The following NPHP1 variants were observed in gnomAD, a reference collection of about 807,000 sequenced individuals.
NPHP1 encodes nephrocystin-1.
Under a neutral mutation model 90.4 loss-of-function variants are expected in NPHP1, and 70 were observed. That is an observed-to-expected ratio of 0.77 (90% CI 0.64 to 0.95). The LOEUF (loss-of-function observed/expected upper bound fraction) is 0.95. Ranked by LOEUF, NPHP1 falls within the 40% of genes least tolerant of loss-of-function variation. The probability of loss-of-function intolerance (pLI) is 0.00; values close to 1 mark genes in which losing one functional copy is unlikely to be tolerated. For missense variants in NPHP1, 764 were observed against 795.9 expected, an observed-to-expected ratio of 0.96 and a Z score of 0.48; for synonymous variants, 256 against 271.7, an observed-to-expected ratio of 0.94 and a Z score of 0.57.
chr2:110,156,812 C>T (rs1329615521), intron 11 of NPHP1, among the ~76,000 whole-genome samples: 1 of 148,208 alleles, frequency 6.7e-6, no homozygotes, highest in Non-Finnish European at 1.5e-5. Flanking sequence ...GAGTTTCTCT[C>T]TGTCACCAGG....
chr2:110,193,048 A>G (rs1207651866), intron 2 of NPHP1, among the ~76,000 whole-genome samples: 2 of 152,186 alleles, frequency 1.3e-5, no homozygotes, highest in Non-Finnish European at 2.9e-5. Flanking sequence ...GCCACTGCAA[A>G]AACATGCCAG....
intron 2 of NPHP1, among the ~76,000 whole-genome samples, chr2:110,189,414 C>T (rs1045353685): frequency 6.6e-5 from 10 of 151,834 alleles, no homozygotes; most frequent in Non-Finnish European, 1.0e-4. Flanking sequence ...GCTCTTAAGG[C>T]GGCACGTCTG....
rs551054363 is a variant in NPHP1 at position 110,152,271 on chromosome 2, T to C, written c.1084-2015A>G. Among the ~76,000 whole-genome samples the C allele has an allele frequency of 3.3e-5, 5 of 151,532 alleles. No individual in the cohort carries two copies. The South Asian group carries it at 6.2e-4, about 19-fold the overall frequency. ...GAGTTCGGGACCAGCTTGGGCAGCATAGTGAAACCTTGGCTCTATTTTTTT... is the reference window on the plus strand; with the variant it reads ...GAGTTCGGGACCAGCTTGGGCAGCACAGTGAAACCTTGGCTCTATTTTTTT... On this transcript the variant is annotated intron_variant, in intron 11 of 19. Transcript: ENST00000445609.
At chr2:110,153,688 A>AG (rs1281043826) in intron 11 of NPHP1, among the ~76,000 whole-genome samples, 15 of 152,094 alleles carry the variant, frequency 9.9e-5, no homozygotes, top group Non-Finnish European at 7.4e-5. Flanking sequence ...AGTTCTAAAA[A>AG]ATGTTCAAGT....
intron 16 of NPHP1, among the ~76,000 whole-genome samples, chr2:110,135,359 C>T (rs1680096589): frequency 6.6e-6 from 1 of 150,968 alleles, no homozygotes; most frequent in Non-Finnish European, 1.5e-5. Context: ...CGCCTGTAGT[C>T]CCAGCTACTT....
intron 13 of NPHP1, among the ~76,000 whole-genome samples, 169 bp downstream of exon 13, chr2:110,147,746 CG>C (rs1181101454): frequency 6.6e-6 from 1 of 152,032 alleles, no homozygotes; most frequent in Non-Finnish European, 1.5e-5. Context: ...TTAAATGCTA[CG>C]AAAACAAATC....
rs1213511122 is a variant in NPHP1, at chr2:110,123,687, T to C, written c.*104A>G. On this transcript the variant is annotated 3_prime_UTR_variant, in exon 20 of 20. Transcript: ENST00000445609. ...TCTGTAGAAAGAAAAGAGTAAAACCTAAGTTGTAAAGTGACAGTGATTTTT... is the reference window on the plus strand; with the variant it reads ...TCTGTAGAAAGAAAAGAGTAAAACCCAAGTTGTAAAGTGACAGTGATTTTT... 8.7e-7 allele frequency: 1 copy of C among 1,148,982 alleles called. No homozygotes were observed. The highest frequency in any genetic ancestry group is 2.4e-5 in the East Asian group (1 of 41,462). 71.2% of individuals were successfully genotyped at this position (1,148,982 alleles called of 1,614,324 possible). A position where few individuals can be genotyped will look rare whatever the true frequency, so the allele number is the denominator to read the frequency against.
At chr2:110,126,953 G>C (rs962661163) in intron 18 of NPHP1, 3 of 152,590 alleles carry the variant, frequency 2.0e-5, no homozygotes, top group Admixed American at 6.5e-5. Context: ...GTTTCACTTA[G>C]AGTAACTCAT....
intron 16 of NPHP1, among the ~76,000 whole-genome samples, chr2:110,132,420 C>T (rs145550843): frequency 0.01 from 1,569 of 152,190 alleles, 26 homozygotes; most frequent in African/African-American, 0.036. Flanking sequence ...TTTGGGAGGC[C>T]GAGACAGGTG....
In NPHP1 at chr2:110,123,754, G is replaced by A. The variant is rs768726180; in HGVS notation, c.*37C>T. The A allele has an allele frequency of 1.9e-6, 3 of 1,608,490 alleles. No homozygotes were observed. In the South Asian group the frequency reaches 3.3e-5, roughly 18 times the overall value. ...TCACGTAATCGTGGAGGATCCATCTGATTCCGTGGGAAGCTGAGGGCTAGA... is the reference window on the plus strand; with the variant it reads ...TCACGTAATCGTGGAGGATCCATCTAATTCCGTGGGAAGCTGAGGGCTAGA... On this transcript the variant is annotated 3_prime_UTR_variant, in exon 20 of 20. Coordinates refer to ENST00000445609, the MANE Select transcript of NPHP1 (RefSeq NM_001128178.3).
At position 110,201,444 on chromosome 2, in the gene NPHP1, A is replaced by T; in HGVS notation, c.120T>A (p.Asn40Lys). Residue 40 changes from asparagine (N) to lysine (K), a missense_variant, in exon 2 of 20, where the codon AAT becomes AAA. Transcript: ENST00000445609. ...ESQLKEALEPNKRQHIYQRCI... is the reference protein window; with the variant it reads ...ESQLKEALEPKKRQHIYQRCI... ...ACCTTTGATAAATATGTTGTCTTTT[A>T]TTGGGTTCTAGAGCTTCTTTCAGTT... The T allele has an allele frequency of 6.2e-7, 1 of 1,609,698 alleles. No individual in the cohort carries two copies. The highest frequency in any genetic ancestry group is 1.3e-5 in the African/African-American group (1 of 75,006).
rs1303993465 is a variant in NPHP1, at chr2:110,184,407, CAA to C, written c.144-4725_144-4724del. The C allele has an allele frequency of 6.4e-6, 4 of 626,750 alleles. No homozygotes were observed. The African/African-American group carries it at 7.3e-5, about 11-fold the overall frequency. 38.8% of individuals were successfully genotyped at this position (626,750 alleles called of 1,614,324 possible). A position where few individuals can be genotyped will look rare whatever the true frequency, so the allele number is the denominator to read the frequency against. On this transcript the variant is annotated intron_variant, in intron 2 of 19. Transcript: ENST00000445609. ...CCTCACTGAGGCACCTTTAAACCCA[CAA>C]AGACACCAGGAATGAGCTGCCAACG... is the stretch of plus-strand genomic sequence containing the variant.
At chr2:110,160,706 T>C (rs1296410329) in intron 10 of NPHP1, among the ~76,000 whole-genome samples, 1 of 152,192 alleles carries the variant, frequency 6.6e-6, no homozygotes, top group African/African-American at 2.4e-5. Flanking sequence ...AATAGGTGTT[T>C]TAACAGAGAG....
intron 8 of NPHP1, chr2:110,164,466 G>T: frequency 1.2e-6 from 1 of 857,146 alleles, no homozygotes; most frequent in Non-Finnish European, 2.0e-6. Flanking sequence ...GTGACACCAT[G>T]AATTATCTAT....
chr2:110,192,818 A>G (rs1574195097), intron 2 of NPHP1, among the ~76,000 whole-genome samples: 1 of 152,174 alleles, frequency 6.6e-6, no homozygotes, highest in Non-Finnish European at 1.5e-5. Flanking sequence ...CTCAGCAGAA[A>G]CTCTACAAGC....
chr2:110,163,085 C>T lies in NPHP1; in HGVS notation c.822G>A (p.Gly274=). 1 of 1,613,734 alleles carries T rather than the reference C, an allele frequency of 6.2e-7. No individual in the cohort carries two copies. Residue 274 remains glycine (G), a synonymous_variant, in exon 9 of 20, where the codon GGG becomes GGA. Transcript: ENST00000445609. ...VLTTMGAIPA[G]FRPSTLSQLL... ...GCTGTGAGAGCGTGGAAGGCCTGAA[C>T]CCTGCAGGAATAGCTCCCATCGTAG...
chr2:110,147,173 T>C (rs1236315166), intron 13 of NPHP1, among the ~76,000 whole-genome samples: 6 of 152,098 alleles, frequency 3.9e-5, no homozygotes, highest in Admixed American at 3.3e-4. Flanking sequence ...TGAACCTTTG[T>C]TTCACTGACA....
Position 110,144,583 on chromosome 2 carries a change from AC to A in NPHP1, c.1353-15del. On this transcript the variant is annotated splice_polypyrimidine_tract_variant and intron_variant, in intron 14 of 19. Coordinates refer to ENST00000445609, the MANE Select transcript of NPHP1 (RefSeq NM_001128178.3). ...AGCTCATAAGTTCTATAAAAGAATAACATACAATGACAGATATAAGCTGTGG... is the reference window on the plus strand; with the variant it reads ...AGCTCATAAGTTCTATAAAAGAATAAATACAATGACAGATATAAGCTGTGG... The A allele has an allele frequency of 6.9e-7, 1 of 1,456,264 alleles. No individual in the cohort carries two copies. Among genetic ancestry groups the A allele is most frequent in the Non-Finnish European group, 9.6e-7 (1 of 1,036,400 alleles). The allele number at this position is 1,456,264 out of a possible 1,614,324, so 90.2% of individuals were successfully genotyped here.
At chr2:110,160,777 A>G (rs1026357669) in intron 10 of NPHP1, among the ~76,000 whole-genome samples, 3 of 152,228 alleles carry the variant, frequency 2.0e-5, no homozygotes, top group Non-Finnish European at 4.4e-5. Flanking sequence ...GATTGTGAGT[A>G]AATAAATTGG....
Sources: gnomAD v4.1 joint callset for allele counts (sites outside exome capture counted in the v4.1 genomes callset) on GRCh38, gnomAD v4.1.1 for gene constraint, MANE v1.5 for transcripts, NCBI Gene and HGNC (gene_info 2026-07-23, HGNC 2026-07-21) for gene names.